The following SRBD1 variants were observed in gnomAD, a reference collection of about 807,000 sequenced individuals.
The protein encoded by SRBD1 is S1 RNA-binding domain-containing protein 1.
A neutral mutation model predicts 115.3 loss-of-function variants in SRBD1; 88 were observed. The ratio of observed to expected loss-of-function variants is 0.76; its 90% CI spans 0.64 to 0.91. The LOEUF (loss-of-function observed/expected upper bound fraction) is 0.91, where lower values mean the gene tolerates loss of function less well. SRBD1 is among the 40% of genes least tolerant of loss of function. The probability of loss-of-function intolerance (pLI) is 0.00; values close to 1 mark genes in which losing one functional copy is unlikely to be tolerated. For synonymous variants in SRBD1, 509 were observed against 407.7 expected (o/e 1.25, Z -2.99); for missense variants, 1,385 against 1,177.4 (o/e 1.18, Z -2.58).
chr2:45,496,772 A>G (rs1180788388), intron 14 of SRBD1, among the ~76,000 whole-genome samples: 1 of 152,164 alleles, frequency 6.6e-6, no homozygotes, highest in East Asian at 1.9e-4. Context: ...AGCAGGAGTC[A>G]CCACTATCCA....
chr2:45,445,819 T>C (rs1668807382), intron 16 of SRBD1, among the ~76,000 whole-genome samples: 1 of 152,126 alleles, frequency 6.6e-6, no homozygotes, highest in Non-Finnish European at 1.5e-5. Flanking sequence ...GTTCTACAAT[T>C]TTTCCCCAGT....
intron 13 of SRBD1, 90 bp downstream of exon 13, chr2:45,547,432 C>T: frequency 1.8e-6 from 2 of 1,142,690 alleles, no homozygotes; most frequent in Non-Finnish European, 1.3e-6. Flanking sequence ...AAGGCACCTC[C>T]CTTAATCCCT....
At chr2:45,532,512 A>C (rs1410342910) in intron 14 of SRBD1, among the ~76,000 whole-genome samples, 1 of 151,746 alleles carries the variant, frequency 6.6e-6, no homozygotes, top group Non-Finnish European at 1.5e-5. Context: ...ACCTCTACCC[A>C]CCAATCAGGC....
At chr2:45,467,745 G>T (rs1341400611) in intron 16 of SRBD1, among the ~76,000 whole-genome samples, 1 of 152,056 alleles carries the variant, frequency 6.6e-6, no homozygotes, top group Non-Finnish European at 1.5e-5. Flanking sequence ...CATATAATAT[G>T]AAATGTATAT....
chr2:45,413,170 C>T lies in SRBD1; in HGVS notation c.2457G>A (p.Lys819=), dbSNP rs775335458. ...KSKTAVNVLL[K]PNPLDQTCIH... The stretch of plus-strand genomic sequence containing the variant: ...TACAAGTTTGGTCCAAAGGATTTGG[C>T]TTCAGTAAAACATTCACTGCAGTTT... The change falls in exon 19 of 21, where the codon AAG becomes AAA. Residue 819 remains lysine (K), a synonymous_variant. Coordinates refer to ENST00000263736, the MANE Select transcript of SRBD1 (RefSeq NM_018079.5). The T allele has an allele frequency of 1.2e-6, 2 of 1,614,044 alleles. No homozygotes were observed. Among genetic ancestry groups the T allele is most frequent in the African/African-American group, 1.3e-5 (1 of 75,028 alleles).
intron 19 of SRBD1, among the ~76,000 whole-genome samples, chr2:45,406,107 C>T (rs1267553195): frequency 2.0e-5 from 3 of 152,044 alleles, no homozygotes; most frequent in Admixed American, 2.0e-4. Context: ...CTGCCACTCC[C>T]CCACCCCTCA....
At chr2:45,503,400 T>C (rs2344657) in intron 14 of SRBD1, among the ~76,000 whole-genome samples, 24,234 of 152,204 alleles carry the variant, frequency 0.16, 3,889 homozygotes, top group African/African-American at 0.41. Context: ...TTTGACATCC[T>C]ACTTATGAAA....
chr2:45,393,444 G>C (rs1411866063), intron 19 of SRBD1, among the ~76,000 whole-genome samples: 2 of 152,178 alleles, frequency 1.3e-5, no homozygotes, highest in Admixed American at 6.5e-5. Context: ...GCAGTGACAA[G>C]ATCTCAGCTC....
chr2:45,523,594 A>C (rs948490831), intron 14 of SRBD1, among the ~76,000 whole-genome samples: 3 of 151,888 alleles, frequency 2.0e-5, no homozygotes, highest in Admixed American at 6.6e-5. Context: ...ACAAAGATGC[A>C]ACTGACAAAT....
chr2:45,535,571 G>C (rs1671740608), intron 14 of SRBD1, among the ~76,000 whole-genome samples: 1 of 151,872 alleles, frequency 6.6e-6, no homozygotes, highest in South Asian at 2.1e-4. Flanking sequence ...ATTACCAATA[G>C]TGGTATCAAA....
rs370497206 is a variant in SRBD1, at chr2:45,573,157, A to T, written c.1305+50T>A. 2.6e-6 allele frequency: 4 copies of T among 1,521,176 alleles called. No homozygotes were observed. The African/African-American group carries it at 4.3e-5, about 16-fold the overall frequency. The allele number at this position is 1,521,176 out of a possible 1,614,324, so 94.2% of individuals were successfully genotyped here. On this transcript the variant is annotated intron_variant, in intron 9 of 20. Transcript: ENST00000263736. ...TAGTAAAGTAGCAGGCAAATCCAAA[A>T]TATTATCATTATTACGAAATCAGCA...
Position 45,571,285 on chromosome 2 carries a change from T to C in SRBD1, c.1305+1922A>G, listed in dbSNP as rs72618606. ...TTTTCTTTTAGGGTTTATTTTGTTT[T>C]TGTTTTTGGCTCCAGGCATTTAGGG... On this transcript the variant is annotated intron_variant, in intron 9 of 20. Coordinates refer to ENST00000263736, the MANE Select transcript of SRBD1 (RefSeq NM_018079.5). 0.011 allele frequency among the ~76,000 whole-genome samples: 1,624 copies of C among 152,164 alleles called. 65 individuals are homozygous for C. In the East Asian group the frequency reaches 0.13, roughly 12 times the overall value.
intron 10 of SRBD1, among the ~76,000 whole-genome samples, chr2:45,560,527 A>C (rs1672628913): frequency 2.0e-5 from 3 of 152,204 alleles, no homozygotes. Context: ...AATTCTCTCA[A>C]ATCTACAAGT....
At chr2:45,530,252 A>T (rs1671571810) in intron 14 of SRBD1, among the ~76,000 whole-genome samples, 1 of 152,080 alleles carries the variant, frequency 6.6e-6, no homozygotes, top group African/African-American at 2.4e-5. Flanking sequence ...GTTGCTTATC[A>T]CTAAGTAATA....
intron 9 of SRBD1, among the ~76,000 whole-genome samples, chr2:45,566,549 G>A (rs560288231): frequency 5.9e-5 from 9 of 152,248 alleles, no homozygotes; most frequent in African/African-American, 2.2e-4. Flanking sequence ...CTTGATGCAA[G>A]GAAATATTTG....
At chr2:45,437,245 C>G (rs1233285488) in intron 16 of SRBD1, among the ~76,000 whole-genome samples, 1 of 151,624 alleles carries the variant, frequency 6.6e-6, no homozygotes, top group Non-Finnish European at 1.5e-5. Flanking sequence ...GCTAATTAGA[C>G]CCAGAACAGC....
At chr2:45,452,087 A>T (rs1028561436) in intron 16 of SRBD1, among the ~76,000 whole-genome samples, 2 of 151,886 alleles carry the variant, frequency 1.3e-5, no homozygotes, top group Non-Finnish European at 2.9e-5. Context: ...TTAGACTCCC[A>T]CTCCCAAATA....
chr2:45,541,486 G>T (rs865800255), intron 14 of SRBD1, among the ~76,000 whole-genome samples: 1 of 152,236 alleles, frequency 6.6e-6, no homozygotes, highest in Non-Finnish European at 1.5e-5. Flanking sequence ...TGTCCAAGAA[G>T]AATGAGGTAT....
At position 45,574,715 on chromosome 2, in the gene SRBD1, T is replaced by C. The variant is rs142497952; in HGVS notation, c.1081A>G (p.Thr361Ala). 2.7e-4 allele frequency: 428 copies of C among 1,611,328 alleles called. 1 individual carries two copies. In the African/African-American group the frequency reaches 4.4e-3, roughly 17 times the overall value. The change falls in exon 8 of 21, where the codon ACG becomes GCG. Residue 361 changes from threonine to alanine, a missense_variant. By Grantham distance (58) the Thr-to-Ala change is moderately conservative (BLOSUM62 0). Coordinates refer to ENST00000263736, the MANE Select transcript of SRBD1 (RefSeq NM_018079.5). ...YIRPDVKGLS[T>A]LQDIEIGVQH... is the part of the protein sequence containing the mutation. ...ACTCCTATTTCAATATCCTGAAGCG[T>C]TGAAAGCCCTTTAGGAGAAGGGTAA... is the stretch of plus-strand genomic sequence containing the variant.
Sources: gnomAD v4.1 joint callset for allele counts (sites outside exome capture counted in the v4.1 genomes callset) on GRCh38, gnomAD v4.1.1 for gene constraint, MANE v1.5 for transcripts, NCBI Gene and HGNC (gene_info 2026-07-23, HGNC 2026-07-21) for gene names.